The following SOX6 variants were observed in gnomAD, a reference collection of about 807,000 sequenced individuals.
SOX6 encodes the protein transcription factor SOX-6.
Under a neutral mutation model 97.8 loss-of-function variants are expected in SOX6, and 11 were observed. The observed-to-expected ratio is 0.11, with a 90% CI of 0.07 to 0.19. The LOEUF is 0.19. Ranked by LOEUF, SOX6 falls within the 10% of genes least tolerant of loss-of-function variation. The probability of loss-of-function intolerance (pLI) is 1.00; values close to 1 mark genes in which losing one functional copy is unlikely to be tolerated. For synonymous variants in SOX6, 360 were observed against 371.4 expected (o/e 0.97, Z 0.35); for missense variants, 810 against 1,039.5 (o/e 0.78, Z 3.04).
intron 1 of SOX6, among the ~76,000 whole-genome samples, chr11:16,383,594 A>G (rs1857891638): frequency 1.3e-5 from 2 of 152,072 alleles, no homozygotes; most frequent in South Asian, 4.1e-4. Flanking sequence ...TAATGTTCTT[A>G]GCACAGTGCC....
At chr11:16,626,206 G>T (rs372097656) in intron 3 of SOX6, among the ~76,000 whole-genome samples, 2 of 152,242 alleles carry the variant, frequency 1.3e-5, no homozygotes, top group East Asian at 3.8e-4. Context: ...GAGCTATTCA[G>T]AGTAGACATA....
At position 15,966,989 on chromosome 11, in the gene SOX6, A is replaced by G. The variant is rs1190996468; in HGVS notation, c.*5820T>C. Reference sequence around the variant, plus strand: ...TATTATCAAGAGGAGAGTGTGAGAAAGATGTGATGGCAACCCTTAAGGTCA... The same window carrying G: ...TATTATCAAGAGGAGAGTGTGAGAAGGATGTGATGGCAACCCTTAAGGTCA... On this transcript the variant is annotated 3_prime_UTR_variant, in exon 16 of 16. Coordinates refer to ENST00000683767, the MANE Select transcript of SOX6 (RefSeq NM_001367873.1). The G allele has an allele frequency of 6.6e-6, 1 of 152,168 alleles. No homozygotes were observed. The highest frequency in any genetic ancestry group is 1.9e-4 in the East Asian group (1 of 5,198). The allele number at this position is 152,168 out of a possible 1,614,324, so 9.4% of individuals were successfully genotyped here.
chr11:16,288,804 T>A (rs1337328319), intron 3 of SOX6, among the ~76,000 whole-genome samples: 1 of 151,922 alleles, frequency 6.6e-6, no homozygotes, highest in African/African-American at 2.4e-5. Context: ...TATAATACTT[T>A]CATTTCCAGA....
chr11:16,201,976 A>T lies in SOX6; in HGVS notation c.536-15021T>A, dbSNP rs150894696. On this transcript the variant is annotated intron_variant, in intron 4 of 15. Transcript: ENST00000683767. ...GAGATTTTTAATTTAAAATTCATAG[A>T]AATAATAAATTTATTTTTCATGAAA... Among the ~76,000 whole-genome samples the T allele has an allele frequency of 1.9e-3, 285 of 152,244 alleles. 5 individuals are homozygous for T. In the East Asian group the frequency reaches 0.029, roughly 15 times the overall value.
chr11:16,408,744 G>A (rs1858735851), intron 1 of SOX6: 1 of 150,920 alleles, frequency 6.6e-6, no homozygotes, highest in Admixed American at 6.6e-5. Context: ...GTCTCACTAT[G>A]TTGCACAGGC....
intron 3 of SOX6, among the ~76,000 whole-genome samples, chr11:16,699,362 A>G (rs1037438818): frequency 6.6e-6 from 1 of 152,080 alleles, no homozygotes; most frequent in African/African-American, 2.4e-5. Flanking sequence ...CCTATGTTTA[A>G]CCAGAACATC....
chr11:16,378,854 G>A (rs1010961945), intron 1 of SOX6, among the ~76,000 whole-genome samples: 37 of 152,026 alleles, frequency 2.4e-4, no homozygotes, highest in African/African-American at 8.7e-4. Flanking sequence ...TACTATTTTA[G>A]CATATAAAGA....
At chr11:16,155,863 C>T (rs1052244578) in intron 6 of SOX6, among the ~76,000 whole-genome samples, 48 of 152,046 alleles carry the variant, frequency 3.2e-4, no homozygotes, top group Middle Eastern at 3.2e-3. Flanking sequence ...ACTCCAAGCT[C>T]GTTATCACAT....
In SOX6 at chr11:16,120,581, T is replaced by TATATATATATATAC. The variant is rs140473523; in HGVS notation, c.778-8659_778-8658insGTATATATATATAT. The stretch of plus-strand genomic sequence containing the variant: ...CTTCACATATATATATATATATATA[T>TATATATATATATAC]ACACACACTTTTCTGCATAAATATA... On this transcript the variant is annotated intron_variant, in intron 6 of 15. Coordinates refer to ENST00000683767, the MANE Select transcript of SOX6 (RefSeq NM_001367873.1). Among the ~76,000 whole-genome samples the TATATATATATATAC allele has an allele frequency of 1.6e-4, 24 of 149,722 alleles. No individual in the cohort carries two copies. In the East Asian group the frequency reaches 2.0e-3, roughly 13 times the overall value.
At chr11:16,661,878 C>G (rs1847768617) in intron 3 of SOX6, among the ~76,000 whole-genome samples, 1 of 152,144 alleles carries the variant, frequency 6.6e-6, no homozygotes, top group Admixed American at 6.6e-5. Context: ...ATTATACTCT[C>G]TCCTCGTTTT....
intron 12 of SOX6, among the ~76,000 whole-genome samples, chr11:16,045,332 C>T (rs1855795771): frequency 6.6e-6 from 1 of 152,040 alleles, no homozygotes; most frequent in Non-Finnish European, 1.5e-5. Flanking sequence ...GGTAGAGCCC[C>T]CATGATCAGA....
At chr11:16,509,608 G>C (rs1860846917) in intron 4 of SOX6, among the ~76,000 whole-genome samples, 1 of 151,978 alleles carries the variant, frequency 6.6e-6, no homozygotes, top group Admixed American at 6.6e-5. Context: ...AAACACTATA[G>C]AATAAGTTCA....
chr11:16,661,885 T>A (rs967839454), intron 3 of SOX6, among the ~76,000 whole-genome samples: 3 of 152,122 alleles, frequency 2.0e-5, no homozygotes, highest in African/African-American at 7.2e-5. Flanking sequence ...TCTCTCCTCG[T>A]TTTCCATGCT....
chr11:16,601,375 A>G lies in SOX6; in HGVS notation n.609+10706T>C, dbSNP rs193098727. ...TTCTCAGACACATTAGCTTGATGGA[A>G]TGTTTCACTTGACTTGAAAAACATC... On this transcript the variant is annotated intron_variant and non_coding_transcript_variant, in intron 4 of 5. Transcript: ENST00000524520. Among the ~76,000 whole-genome samples the G allele has an allele frequency of 7.9e-3, 1,196 of 152,274 alleles. 14 individuals carry two copies. Among genetic ancestry groups the G allele is most frequent in the African/African-American group, 0.027 (1,142 of 41,570 alleles).
chr11:16,148,517 A>G (rs902607365), intron 6 of SOX6, among the ~76,000 whole-genome samples: 1 of 152,158 alleles, frequency 6.6e-6, no homozygotes, highest in African/African-American at 2.4e-5. Flanking sequence ...ATCTATGTCT[A>G]TGAAACCGTG....
chr11:16,128,726 C>T (rs114382986), intron 6 of SOX6, among the ~76,000 whole-genome samples: 165 of 152,236 alleles, frequency 1.1e-3, no homozygotes, highest in African/African-American at 3.8e-3. Context: ...CTAACTACTA[C>T]ATTTGACAGA....
intron 3 of SOX6, among the ~76,000 whole-genome samples, chr11:16,687,747 G>T (rs770315656): frequency 3.9e-5 from 6 of 152,144 alleles, no homozygotes; most frequent in Middle Eastern, 6.8e-3. Flanking sequence ...GCCCAAGCTG[G>T]TCTCAAACTC....
chr11:16,186,454 A>G (rs1851477587), intron 5 of SOX6, among the ~76,000 whole-genome samples: 1 of 152,152 alleles, frequency 6.6e-6, no homozygotes, highest in African/African-American at 2.4e-5. Flanking sequence ...CCCAGAGAAA[A>G]GTCACTTACT....
chr11:15,982,121 T>A (rs1853673068), intron 15 of SOX6, among the ~76,000 whole-genome samples: 1 of 152,000 alleles, frequency 6.6e-6, no homozygotes, highest in African/African-American at 2.4e-5. Context: ...TTGATGCTCT[T>A]AACCACAATG....
Sources: allele counts gnomAD v4.1 joint callset (sites outside exome capture counted in the v4.1 genomes callset), GRCh38; gene constraint gnomAD v4.1.1; transcripts MANE v1.5; gene names NCBI Gene and HGNC (gene_info 2026-07-23, HGNC 2026-07-21).